RASGRP3: variants seen among roughly 807,000 people sequenced by gnomAD.
The protein encoded by RASGRP3 is RAS guanyl releasing protein 3.
A neutral mutation model predicts 82.7 loss-of-function variants in RASGRP3; 54 were observed. The ratio of observed to expected loss-of-function variants is 0.65; its 90% CI spans 0.52 to 0.82. The LOEUF (loss-of-function observed/expected upper bound fraction) is 0.82. RASGRP3 is among the 40% of genes least tolerant of loss of function. The probability of loss-of-function intolerance (pLI) is 0.00; values close to 1 mark genes in which losing one functional copy is unlikely to be tolerated. For synonymous variants in RASGRP3, 309 were observed against 300.5 expected (o/e 1.03, Z -0.29); for missense variants, 861 against 828.9 (o/e 1.04, Z -0.48).
At chr2:33,550,006 C>A (rs1395101254) in intron 14 of RASGRP3, among the ~76,000 whole-genome samples, 1 of 152,138 alleles carries the variant, frequency 6.6e-6, no homozygotes, top group African/African-American at 2.4e-5. Context: ...TTACTCCCTG[C>A]CAGGGAAAAG....
intron 1 of RASGRP3, among the ~76,000 whole-genome samples, chr2:33,442,454 G>C (rs976265205): frequency 6.6e-6 from 1 of 152,170 alleles, no homozygotes; most frequent in African/African-American, 2.4e-5. Flanking sequence ...TTTATAATCA[G>C]GAACAAAACC....
At chr2:33,477,395 C>G (rs1667471818) in intron 1 of RASGRP3, among the ~76,000 whole-genome samples, 1 of 152,194 alleles carries the variant, frequency 6.6e-6, no homozygotes, top group African/African-American at 2.4e-5. Flanking sequence ...TTCAGTTGCC[C>G]CTGGTCTTCC....
chr2:33,479,726 C>A (rs1389158699), intron 1 of RASGRP3, among the ~76,000 whole-genome samples: 1 of 152,094 alleles, frequency 6.6e-6, no homozygotes, highest in African/African-American at 2.4e-5. Flanking sequence ...CACGGGTGGG[C>A]CATAAACCTG....
rs1434129545 is a variant in RASGRP3 at position 33,524,463 on chromosome 2, T to C, written c.722T>C (p.Leu241Pro). ...KLLQLKNFNT[L>P]MAVVGGLSHS... is the part of the protein sequence containing the mutation. ...CTTCAGCTCAAAAATTTTAACACCC[T>C]GATGGCAGTGGTGGGAGGCCTCAGT... The change falls in exon 9 of 18, where the codon CTG becomes CCG. Residue 241 changes from leucine (L) to proline (P), a missense_variant. Transcript: ENST00000403687. 1 of 1,604,370 alleles carries C rather than the reference T, an allele frequency of 6.2e-7. No individual in the cohort carries two copies. Among genetic ancestry groups the C allele is most frequent in the East Asian group, 2.2e-5 (1 of 44,736 alleles).
chr2:33,521,752 C>T lies in RASGRP3; in HGVS notation c.369-203C>T, dbSNP rs114539352. 5.2e-3 allele frequency among the ~76,000 whole-genome samples: 792 copies of T among 152,350 alleles called. 6 individuals are homozygous for T. The highest frequency in any genetic ancestry group is 0.018 in the African/African-American group (763 of 41,574). On this transcript the variant is annotated intron_variant, in intron 6 of 17. Transcript: ENST00000403687. Reference sequence around the variant, plus strand: ...AATTCTGGATGGTTCAGTGCAAAACCTACCCTGTCTGGAAAAACAACTGCA... The same window carrying T: ...AATTCTGGATGGTTCAGTGCAAAACTTACCCTGTCTGGAAAAACAACTGCA...
intron 1 of RASGRP3, among the ~76,000 whole-genome samples, chr2:33,499,388 A>G (rs746520533): frequency 6.6e-6 from 1 of 152,050 alleles, no homozygotes; most frequent in Non-Finnish European, 1.5e-5. Flanking sequence ...TGAAACCCCC[A>G]TATCTACCAA....
At chr2:33,559,463 A>G (rs1484130953) in intron 17 of RASGRP3, among the ~76,000 whole-genome samples, 1 of 152,230 alleles carries the variant, frequency 6.6e-6, no homozygotes, top group East Asian at 1.9e-4. Context: ...TCTGCTCAAA[A>G]GAAGCTTTTG....
chr2:33,527,068 C>A, intron 9 of RASGRP3, 69 bp from the exon 10 acceptor site: 1 of 1,509,842 alleles, frequency 6.6e-7, no homozygotes, highest in Non-Finnish European at 9.0e-7. Context: ...CCTAGCCACA[C>A]ATTGCAGGGC....
At chr2:33,466,673 C>T (rs1425198593) in intron 2 of RASGRP3, among the ~76,000 whole-genome samples, 1 of 136,926 alleles carries the variant, frequency 7.3e-6, no homozygotes, top group African/African-American at 2.8e-5. Flanking sequence ...GAGGGAAACT[C>T]TGTATCAAAA....
In RASGRP3 at chr2:33,543,586, T is replaced by C. The variant is rs753324858; in HGVS notation, c.1353T>C (p.Asn451=). The change falls in exon 13 of 18, where the codon AAT becomes AAC. Residue 451 remains asparagine (N), a synonymous_variant. Transcript: ENST00000403687. ...AGGACTTTGAAAGTATAGCTGCCAA[T>C]TTTCCCTTCTTGGATTCCTTCTGTG... is the stretch of plus-strand genomic sequence containing the variant. ...SQEDFESIAA[N]FPFLDSFCVL... The C allele has an allele frequency of 1.2e-6, 2 of 1,610,816 alleles. No homozygotes were observed. The highest frequency in any genetic ancestry group is 1.7e-6 in the Non-Finnish European group (2 of 1,177,578).
intron 1 of RASGRP3, among the ~76,000 whole-genome samples, chr2:33,441,050 A>G (rs1021132323): frequency 1.3e-4 from 20 of 152,044 alleles, no homozygotes; most frequent in Non-Finnish European, 2.9e-4. Flanking sequence ...ACGCCACTGC[A>G]CCCACTAATT....
intron 2 of RASGRP3, among the ~76,000 whole-genome samples, chr2:33,458,744 G>A (rs1235485884): frequency 2.0e-5 from 3 of 152,208 alleles, no homozygotes; most frequent in Admixed American, 2.0e-4. Flanking sequence ...ATTGCATGCT[G>A]TGAAAGTATA....
intron 15 of RASGRP3, among the ~76,000 whole-genome samples, chr2:33,555,996 G>C (rs576665678): frequency 6.6e-6 from 1 of 152,258 alleles, no homozygotes; most frequent in African/African-American, 2.4e-5. Context: ...AAAAAACGAG[G>C]AGAAAACTTA....
intron 1 of RASGRP3, among the ~76,000 whole-genome samples, chr2:33,441,029 A>T (rs1380892039): frequency 6.6e-6 from 1 of 152,088 alleles, no homozygotes; most frequent in Non-Finnish European, 1.5e-5. Flanking sequence ...AATAGCTAGG[A>T]CTGCAGGAAC....
chr2:33,519,864 A>T, intron 4 of RASGRP3, 88 bp from the exon 5 acceptor site: 1 of 881,214 alleles, frequency 1.1e-6, no homozygotes. Flanking sequence ...TGGTCCTCTT[A>T]TTAGGAATTG....
intron 1 of RASGRP3, among the ~76,000 whole-genome samples, chr2:33,507,124 A>G (rs1245537747): frequency 6.6e-6 from 1 of 152,252 alleles, no homozygotes; most frequent in African/African-American, 2.4e-5. Flanking sequence ...GGCCAGGCAC[A>G]GTGGCTCACA....
chr2:33,537,321 C>CACACA (rs1553359083), intron 11 of RASGRP3, among the ~76,000 whole-genome samples: 2,439 of 103,088 alleles, frequency 0.024, 181 homozygotes, highest in Middle Eastern at 0.033. Flanking sequence ...CACACACACA[C>CACACA]CGCCCCCCCC....
chr2:33,495,209 C>T (rs1161065916), intron 1 of RASGRP3, among the ~76,000 whole-genome samples: 2 of 152,204 alleles, frequency 1.3e-5, no homozygotes, highest in Non-Finnish European at 2.9e-5. Flanking sequence ...ATCCCTAACA[C>T]TTTTGGCACA....
At chr2:33,562,530 C>T (rs990950985) in intron 17 of RASGRP3, among the ~76,000 whole-genome samples, 199 bp from the exon 18 acceptor site, 6 of 152,146 alleles carry the variant, frequency 3.9e-5, no homozygotes, top group Non-Finnish European at 8.8e-5. Flanking sequence ...CTCAGCCTCC[C>T]AAAGCTCTGG....
Sources: allele counts gnomAD v4.1 joint callset (sites outside exome capture counted in the v4.1 genomes callset), GRCh38; gene constraint gnomAD v4.1.1; transcripts MANE v1.5; gene names NCBI Gene and HGNC (gene_info 2026-07-23, HGNC 2026-07-21).